The following CCDC73 variants were observed in gnomAD, a reference collection of about 807,000 sequenced individuals.
CCDC73 encodes coiled-coil domain-containing protein 73.
Under a neutral mutation model 116.5 loss-of-function variants are expected in CCDC73, and 95 were observed. That is an observed-to-expected ratio of 0.82 (90% CI 0.69 to 0.97). The LOEUF is 0.97. Ranked by LOEUF, CCDC73 falls within the 50% of genes least tolerant of loss-of-function variation. The probability of loss-of-function intolerance (pLI) is 0.00; values close to 1 mark genes in which losing one functional copy is unlikely to be tolerated. For missense variants in CCDC73, 1,066 were observed against 1,206.8 expected, an observed-to-expected ratio of 0.88 and a Z score of 1.73; for synonymous variants, 398 against 401.3, an observed-to-expected ratio of 0.99 and a Z score of 0.10.
intron 2 of CCDC73, among the ~76,000 whole-genome samples, chr11:32,720,170 C>T (rs1849978662): frequency 6.6e-6 from 1 of 152,044 alleles, no homozygotes; most frequent in Non-Finnish European, 1.5e-5. Flanking sequence ...CAGAATCCAA[C>T]AATATAATTT....
At chr11:32,777,488 A>G (rs1187019317) in intron 1 of CCDC73, among the ~76,000 whole-genome samples, 1 of 152,160 alleles carries the variant, frequency 6.6e-6, no homozygotes, top group African/African-American at 2.4e-5. Context: ...GTTTAATGCA[A>G]AAATACAGGC....
chr11:32,677,955 C>CAAAA (rs34907847), intron 7 of CCDC73, among the ~76,000 whole-genome samples: 34 of 64,250 alleles, frequency 5.3e-4, no homozygotes, highest in African/African-American at 1.0e-3. Flanking sequence ...GATTCCATCT[C>CAAAA]AAAAAAAAAA....
At chr11:32,771,341 G>A (rs1375173464) in intron 1 of CCDC73, among the ~76,000 whole-genome samples, 1 of 152,136 alleles carries the variant, frequency 6.6e-6, no homozygotes, top group Non-Finnish European at 1.5e-5. Context: ...CAGAGGTATG[G>A]CCAAGATGAA....
At chr11:32,763,650 C>A (rs577862894) in intron 1 of CCDC73, among the ~76,000 whole-genome samples, 32 of 152,036 alleles carry the variant, frequency 2.1e-4, no homozygotes, top group Non-Finnish European at 4.1e-4. Context: ...TAGATAAAAT[C>A]AAAAAGATGG....
chr11:32,742,522 A>G (rs1028675688), intron 2 of CCDC73, among the ~76,000 whole-genome samples: 1 of 152,024 alleles, frequency 6.6e-6, no homozygotes, highest in Non-Finnish European at 1.5e-5. Context: ...TTTCTTGTAA[A>G]TTTGTTTGAG....
intron 2 of CCDC73, among the ~76,000 whole-genome samples, chr11:32,725,699 T>C (rs1565085665): frequency 1.3e-5 from 2 of 152,210 alleles, no homozygotes; most frequent in Non-Finnish European, 2.9e-5. Context: ...GGTTGGTCTA[T>C]AATTAGGTCA....
chr11:32,805,152 A>G, the CCDC73 span, among the ~76,000 whole-genome samples: 1 of 152,222 alleles, frequency 6.6e-6, no homozygotes, highest in African/African-American at 2.4e-5. Flanking sequence ...GTTTCTAACA[A>G]TAGTGTCCCA....
At chr11:32,627,700 C>T (rs1023496737) in intron 14 of CCDC73, among the ~76,000 whole-genome samples, 1 of 152,142 alleles carries the variant, frequency 6.6e-6, no homozygotes, top group Non-Finnish European at 1.5e-5. Context: ...AACCATCATT[C>T]TCAGCAAACT....
intron 17 of CCDC73, among the ~76,000 whole-genome samples, chr11:32,607,363 A>T (rs1855368350): frequency 1.3e-5 from 2 of 152,020 alleles, no homozygotes; most frequent in Non-Finnish European, 2.9e-5. Context: ...AAGTGCTGGG[A>T]TTACAGGCGT....
Position 32,755,879 on chromosome 11 carries a change from C to G in CCDC73, c.135+4230G>C, listed in dbSNP as rs191751876. Among the ~76,000 whole-genome samples, 714 of 106,920 alleles carry G rather than the reference C, an allele frequency of 6.7e-3. 135 individuals are homozygous for G. Among genetic ancestry groups the G allele is most frequent in the Non-Finnish European group, 7.3e-3 (408 of 55,794 alleles). 70.1% of individuals were successfully genotyped at this position (106,920 alleles called of 152,430 possible). On this transcript the variant is annotated intron_variant, in intron 2 of 17. Coordinates refer to ENST00000335185, the MANE Select transcript of CCDC73 (RefSeq NM_001008391.4). ...TGTGTATATATCTCCATATATATAT[C>G]TGTGTATATATCTCCATATATATCT...
intron 2 of CCDC73, among the ~76,000 whole-genome samples, chr11:32,753,085 T>G (rs1385426673): frequency 1.3e-5 from 2 of 152,154 alleles, no homozygotes; most frequent in Non-Finnish European, 2.9e-5. Flanking sequence ...GCACTGGAAT[T>G]ACAGGTATGA....
At chr11:32,754,676 C>A (rs543853531) in intron 2 of CCDC73, among the ~76,000 whole-genome samples, 1 of 152,086 alleles carries the variant, frequency 6.6e-6, no homozygotes, top group Non-Finnish European at 1.5e-5. Context: ...TAAATAGCAG[C>A]AAAAGAACTC....
intron 9 of CCDC73, among the ~76,000 whole-genome samples, chr11:32,669,092 A>G (rs1856012985): frequency 6.6e-6 from 1 of 152,210 alleles, no homozygotes. Context: ...GATAATAATT[A>G]AAACAACTAT....
chr11:32,790,289 T>C (rs1201118023), intron 1 of CCDC73, among the ~76,000 whole-genome samples: 1 of 152,228 alleles, frequency 6.6e-6, no homozygotes, highest in African/African-American at 2.4e-5. Flanking sequence ...AAGATTTTCT[T>C]ACAAATCCCA....
At chr11:32,784,904 T>G (rs1850613812) in intron 1 of CCDC73, among the ~76,000 whole-genome samples, 1 of 152,206 alleles carries the variant, frequency 6.6e-6, no homozygotes. Context: ...CTGGGCACGG[T>G]GGCTCATGCC....
chr11:32,781,119 AGTGAGAC>A, intron 1 of CCDC73, among the ~76,000 whole-genome samples: 1 of 152,234 alleles, frequency 6.6e-6, no homozygotes, highest in African/African-American at 2.4e-5. Flanking sequence ...TGGGCAACAC[AGTGAGAC>A]CCTGTCTCAA....
intron 1 of CCDC73, among the ~76,000 whole-genome samples, chr11:32,774,900 T>C (rs1850520549): frequency 6.6e-6 from 1 of 152,118 alleles, no homozygotes; most frequent in Non-Finnish European, 1.5e-5. Flanking sequence ...CAGAAACATG[T>C]ACAAAGTGCC....
chr11:32,654,246 T>C (rs1855851764), intron 10 of CCDC73, among the ~76,000 whole-genome samples: 1 of 152,232 alleles, frequency 6.6e-6, no homozygotes, highest in African/African-American at 2.4e-5. Context: ...CGATCTTGGC[T>C]CACTGCAACC....
At chr11:32,793,622 A>AT (rs11411333) in intron 1 of CCDC73, among the ~76,000 whole-genome samples, 81,265 of 149,586 alleles carry the variant, frequency 0.54, 22,288 homozygotes, top group East Asian at 0.84. Context: ...ATTTTATTTT[A>AT]TTTTTTTAGA....
Sources: allele counts gnomAD v4.1 joint callset (sites outside exome capture counted in the v4.1 genomes callset), GRCh38; gene constraint gnomAD v4.1.1; transcripts MANE v1.5; gene names NCBI Gene and HGNC (gene_info 2026-07-23, HGNC 2026-07-21).